Variants in ATL2 observed in about 807,000 individuals in gnomAD.
ATL2 encodes the protein atlastin GTPase 2.
Under a neutral mutation model 73.9 loss-of-function variants are expected in ATL2, and 31 were observed. The ratio of observed to expected loss-of-function variants is 0.42; its 90% confidence interval spans 0.32 to 0.57. The LOEUF is 0.57. ATL2 is among the 20% of genes least tolerant of loss of function. The pLI, the probability that ATL2 is intolerant of heterozygous loss-of-function variation, is 0.14. For missense variants in ATL2, 738 were observed against 702.6 expected (o/e 1.05, Z -0.57); for synonymous variants, 291 against 237.5 (o/e 1.23, Z -2.07).
At chr2:38,317,651 GA>G (rs1668096456) in intron 4 of ATL2, among the ~76,000 whole-genome samples, 1 of 152,054 alleles carries the variant, frequency 6.6e-6, no homozygotes, top group South Asian at 2.1e-4. Context: ...ACTTGTCATA[GA>G]TACAGAATAA....
chr2:38,360,087 C>T (rs902917181), intron 1 of ATL2, among the ~76,000 whole-genome samples: 7 of 143,966 alleles, frequency 4.9e-5, no homozygotes, highest in African/African-American at 1.8e-4. Context: ...ATGAGATCGT[C>T]GTCCACTGTA....
intron 9 of ATL2, among the ~76,000 whole-genome samples, chr2:38,301,565 T>C (rs1054436470): frequency 6.6e-6 from 1 of 152,200 alleles, no homozygotes; most frequent in Non-Finnish European, 1.5e-5. Flanking sequence ...AGACAATCTA[T>C]GTGCTTAGGG....
At chr2:38,297,702 G>A (rs112288370) in intron 12 of ATL2, among the ~76,000 whole-genome samples, 1 of 152,192 alleles carries the variant, frequency 6.6e-6, no homozygotes, top group Admixed American at 6.5e-5. Context: ...CTTCATGGAA[G>A]GCAATGAAGA....
intron 4 of ATL2, among the ~76,000 whole-genome samples, chr2:38,316,831 T>G (rs1668048548): frequency 6.6e-6 from 1 of 152,130 alleles, no homozygotes; most frequent in South Asian, 2.1e-4. Context: ...GGATAAGTTT[T>G]AGGACAGAGA....
chr2:38,298,726 T>C, intron 11 of ATL2, 151 bp from the exon 12 acceptor site: 2 of 822,704 alleles, frequency 2.4e-6, no homozygotes, highest in South Asian at 1.8e-5. Flanking sequence ...GTTATCATAA[T>C]CTAGTTATTG....
Position 38,325,661 on chromosome 2 carries a change from TACACACACACACACACACACACAC to T in ATL2, c.364-6666_364-6643del, listed in dbSNP as rs562138786. Among the ~76,000 whole-genome samples the T allele has an allele frequency of 0.012, 481 of 41,678 alleles. 44 individuals carry two copies. In the Admixed American group the frequency reaches 0.12, roughly 11 times the overall value. The allele number at this position is 41,678 out of a possible 152,430, so 27.3% of individuals were successfully genotyped here. On this transcript the variant is annotated intron_variant, in intron 2 of 12. Transcript: ENST00000378954. ...ACACACACACACACACACACACCAG[TACACACACACACACACACACACAC>T]ACACACACACCAGTACACACACACA...
Position 38,367,622 on chromosome 2 carries a change from C to CAACA in ATL2, c.118+9520_118+9521insTGTT, listed in dbSNP as rs1558459719. Among the ~76,000 whole-genome samples, 435 of 114,878 alleles carry CAACA rather than the reference C, an allele frequency of 3.8e-3. 13 individuals are homozygous for CAACA. Among genetic ancestry groups the CAACA allele is most frequent in the African/African-American group, 8.8e-3 (274 of 31,310 alleles). 75.4% of individuals were successfully genotyped at this position (114,878 alleles called of 152,430 possible). On this transcript the variant is annotated intron_variant, in intron 1 of 12. Transcript: ENST00000378954. ...AAAAAAAAAAAAAAAAAAAACCGCC[C>CAACA]ATTTAAAACAACTTTTTTTTTTTTT... is the stretch of plus-strand genomic sequence containing the variant.
chr2:38,369,944 G>A (rs535130602), intron 1 of ATL2, among the ~76,000 whole-genome samples: 35 of 150,962 alleles, frequency 2.3e-4, no homozygotes, highest in African/African-American at 8.0e-4. Flanking sequence ...GAGGTCAGGA[G>A]ATTGAGACCA....
At chr2:38,361,418 C>T (rs1254779437) in intron 1 of ATL2, among the ~76,000 whole-genome samples, 3 of 151,212 alleles carry the variant, frequency 2.0e-5, no homozygotes, top group Non-Finnish European at 4.4e-5. Flanking sequence ...GAACCACTCA[C>T]CATGTTTTAA....
rs755665087 is a variant in ATL2, at chr2:38,377,147, G to C, written c.114C>G (p.Ser38=). Residue 38 remains serine, a synonymous_variant, in exon 1 of 13, where the codon TCC becomes TCG. Coordinates refer to ENST00000378954, the MANE Select transcript of ATL2 (RefSeq NM_001135673.4). ...CTCTGCCTCGCTGGCCCGTACCTAG[G>C]GAGGTCGTGGACGAGACGTGGTTAA... The part of the protein sequence containing the change: ...AAVNHVSSTT[S]LGENYEDDDL... 6.2e-7 allele frequency: 1 copy of C among 1,610,372 alleles called. No individual in the cohort carries two copies. Among genetic ancestry groups the C allele is most frequent in the South Asian group, 1.1e-5 (1 of 90,918 alleles).
At chr2:38,315,901 A>G (rs1668002750) in intron 4 of ATL2, among the ~76,000 whole-genome samples, 2 of 152,186 alleles carry the variant, frequency 1.3e-5, no homozygotes, top group African/African-American at 2.4e-5. Flanking sequence ...GGCCTGTGGA[A>G]GCTAATAAAA....
At chr2:38,358,313 C>G (rs1297696121) in intron 1 of ATL2, 1 of 152,746 alleles carries the variant, frequency 6.5e-6, no homozygotes, top group South Asian at 2.0e-4. Flanking sequence ...CAACTAACCA[C>G]TCCAGGGTTG....
intron 1 of ATL2, among the ~76,000 whole-genome samples, chr2:38,354,346 G>A (rs928927510): frequency 6.6e-6 from 1 of 152,156 alleles, no homozygotes; most frequent in Non-Finnish European, 1.5e-5. Context: ...TAAAAGACTG[G>A]TTCTTTCTTC....
At chr2:38,299,958 G>A (rs1422086629) in intron 10 of ATL2, among the ~76,000 whole-genome samples, 1 of 152,114 alleles carries the variant, frequency 6.6e-6, no homozygotes, top group Admixed American at 6.5e-5. Flanking sequence ...CAGAATAGAA[G>A]CAGCTTAGTT....
chr2:38,376,301 C>T (rs765452282), intron 1 of ATL2: 266 of 1,318,196 alleles, frequency 2.0e-4, no homozygotes, highest in Non-Finnish European at 2.5e-4. Flanking sequence ...AACGCAACTG[C>T]GTCTTCGAGG....
intron 9 of ATL2, among the ~76,000 whole-genome samples, chr2:38,308,634 C>T (rs1295978741): frequency 6.6e-6 from 1 of 151,916 alleles, no homozygotes; most frequent in Non-Finnish European, 1.5e-5. Context: ...GGAAGGGATA[C>T]AGGCTTGAGG....
At chr2:38,330,786 C>T (rs1668942696) in intron 2 of ATL2, among the ~76,000 whole-genome samples, 1 of 152,214 alleles carries the variant, frequency 6.6e-6, no homozygotes. Flanking sequence ...ATATTGTTAA[C>T]ACAGTAGTAT....
intron 1 of ATL2, among the ~76,000 whole-genome samples, chr2:38,346,797 GTCCACGGCCCTAGGGT>G (rs1670041086): frequency 1.3e-5 from 2 of 152,174 alleles, no homozygotes; most frequent in Admixed American, 1.3e-4. Context: ...ACGAGTACCA[GTCCACGGCCCTAGGGT>G]TGGGAACCCC....
chr2:38,325,132 T>G (rs1668524697), intron 2 of ATL2, among the ~76,000 whole-genome samples: 1 of 152,258 alleles, frequency 6.6e-6, no homozygotes, highest in Non-Finnish European at 1.5e-5. Flanking sequence ...AAACTGAGAT[T>G]TGACTTTAGA....
Sources: allele counts gnomAD v4.1 joint callset (sites outside exome capture counted in the v4.1 genomes callset), GRCh38; gene constraint gnomAD v4.1.1; transcripts MANE v1.5; gene names NCBI Gene and HGNC (gene_info 2026-07-23, HGNC 2026-07-21).